The following MALRD1 variants were observed in gnomAD, a reference collection of about 807,000 sequenced individuals.
MALRD1 encodes the protein MAM and LDL-receptor class A domain-containing protein 1.
A neutral mutation model predicts 242.1 loss-of-function variants in MALRD1; 247 were observed. The observed-to-expected ratio is 1.02, with a 90% CI of 0.92 to 1.13. MALRD1 has a LOEUF of 1.13. MALRD1 is among the 50% of genes most tolerant of loss of function. MALRD1 has a pLI of 0.00. For missense variants in MALRD1, 2,989 were observed against 2,533.1 expected, an observed-to-expected ratio of 1.18 and a Z score of -3.86; for synonymous variants, 995 against 866.6, an observed-to-expected ratio of 1.15 and a Z score of -2.60.
At chr10:19,649,216 A>G (rs897059716) in intron 36 of MALRD1, among the ~76,000 whole-genome samples, 1 of 152,056 alleles carries the variant, frequency 6.6e-6, no homozygotes, top group Non-Finnish European at 1.5e-5. Flanking sequence ...ATGTGTCTTT[A>G]TGGTAGAATG....
intron 19 of MALRD1, among the ~76,000 whole-genome samples, chr10:19,268,166 C>A (rs1388451439): frequency 6.6e-6 from 1 of 151,764 alleles, no homozygotes; most frequent in Non-Finnish European, 1.5e-5. Flanking sequence ...TAGTAGAATG[C>A]CTGTAAAGAT....
chr10:19,143,285 CT>C (rs746554733), intron 10 of MALRD1, among the ~76,000 whole-genome samples: 1 of 152,344 alleles, frequency 6.6e-6, no homozygotes, highest in East Asian at 1.9e-4. Context: ...GGTTGAGCGA[CT>C]AGCTCAATTA....
chr10:19,511,481 G>T lies in MALRD1; in HGVS notation c.5320+12835G>T, dbSNP rs552153237. Among the ~76,000 whole-genome samples, 8 of 152,194 alleles carry T rather than the reference G, an allele frequency of 5.3e-5. No individual in the cohort carries two copies. The South Asian group carries it at 1.5e-3, about 28-fold the overall frequency. The stretch of plus-strand genomic sequence containing the variant: ...TGGTTAGAGCCCATCAACAATTAGG[G>T]TTATATATTTGTCTACAAAATGCCA... On this transcript the variant is annotated intron_variant, in intron 31 of 39. Transcript: ENST00000454679.
At chr10:19,309,416 C>T (rs1053602850) in intron 21 of MALRD1, among the ~76,000 whole-genome samples, 2 of 151,464 alleles carry the variant, frequency 1.3e-5, no homozygotes, top group Non-Finnish European at 3.0e-5. Context: ...ATTTATACCT[C>T]TGTAACTGAA....
chr10:19,386,015 A>C (rs1269518613), intron 26 of MALRD1, among the ~76,000 whole-genome samples: 1 of 152,116 alleles, frequency 6.6e-6, no homozygotes, highest in Admixed American at 6.6e-5. Flanking sequence ...TCATAATACA[A>C]AGTCCACCTA....
chr10:19,441,762 G>A (rs1423709219), intron 28 of MALRD1, among the ~76,000 whole-genome samples: 1 of 152,160 alleles, frequency 6.6e-6, no homozygotes, highest in Non-Finnish European at 1.5e-5. Flanking sequence ...AAGTCAGGTA[G>A]CATGATGCCT....
intron 26 of MALRD1, among the ~76,000 whole-genome samples, chr10:19,384,636 A>G (rs1413715889): frequency 1.5e-5 from 2 of 130,966 alleles, no homozygotes; most frequent in African/African-American, 5.9e-5. Flanking sequence ...CTATAATATA[A>G]TATATAGTAT....
rs140786824 is a variant in MALRD1, at chr10:19,303,343, G to A, written c.3419+20162G>A. Among the ~76,000 whole-genome samples, 28 of 151,668 alleles carry A rather than the reference G, an allele frequency of 1.8e-4. No individual in the cohort carries two copies. In the East Asian group the frequency reaches 4.3e-3, roughly 23 times the overall value. The stretch of plus-strand genomic sequence containing the variant: ...AATAGTCATTACACCAAGTACGATA[G>A]TACCAAGTTTGGGTATCTCTTATAA... On this transcript the variant is annotated intron_variant, in intron 21 of 39. Coordinates refer to ENST00000454679, the MANE Select transcript of MALRD1 (RefSeq NM_001142308.3).
At chr10:19,646,607 GAA>G (rs11356176) in intron 36 of MALRD1, among the ~76,000 whole-genome samples, 13 of 142,666 alleles carry the variant, frequency 9.1e-5, no homozygotes, top group East Asian at 6.1e-4. Flanking sequence ...TGTGTCTCAA[GAA>G]AAAAAAAAAA....
chr10:19,428,623 T>C (rs12769180), intron 28 of MALRD1, among the ~76,000 whole-genome samples: 1 of 152,102 alleles, frequency 6.6e-6, no homozygotes, highest in Admixed American at 6.6e-5. Flanking sequence ...AACCTTATGG[T>C]TTAGGTGCTA....
rs1554808926 is a variant in MALRD1, at chr10:19,592,767, G to GCGCA, written c.5681-2426_5681-2425insGCAC. ...CACACACACACACACACACACGCAC[G>GCGCA]CACACACACACACACACACACACCA... On this transcript the variant is annotated intron_variant, in intron 33 of 39. Coordinates refer to ENST00000454679, the MANE Select transcript of MALRD1 (RefSeq NM_001142308.3). Among the ~76,000 whole-genome samples, 366 of 104,572 alleles carry GCGCA rather than the reference G, an allele frequency of 3.5e-3. 10 individuals carry two copies. Among genetic ancestry groups the GCGCA allele is most frequent in the African/African-American group, 7.0e-3 (200 of 28,444 alleles). 68.6% of individuals were successfully genotyped at this position (104,572 alleles called of 152,430 possible). A position where few individuals can be genotyped will look rare whatever the true frequency, so the allele number is the denominator to read the frequency against.
intron 36 of MALRD1, among the ~76,000 whole-genome samples, chr10:19,619,356 G>T (rs1386639830): frequency 6.6e-6 from 1 of 150,462 alleles, no homozygotes; most frequent in Non-Finnish European, 1.5e-5. Context: ...ACAATATTTT[G>T]TAAGTGTTAG....
intron 29 of MALRD1, 71 bp downstream of exon 29, chr10:19,450,561 GT>G: frequency 7.7e-7 from 1 of 1,297,900 alleles, no homozygotes; most frequent in Non-Finnish European, 1.1e-6. Context: ...TGTTACACAA[GT>G]TTACAATGCT....
chr10:19,289,975 A>G (rs1554826520), intron 21 of MALRD1, among the ~76,000 whole-genome samples: 6 of 151,880 alleles, frequency 4.0e-5, no homozygotes, highest in Non-Finnish European at 8.8e-5. Context: ...AGAGAAAAAA[A>G]CCCACAATAA....
In MALRD1 at chr10:19,088,121, C is replaced by A; in HGVS notation, c.533C>A (p.Thr178Lys). 8.1e-7 allele frequency: 1 copy of A among 1,233,562 alleles called. No homozygotes were observed. The highest frequency in any genetic ancestry group is 1.0e-6 in the Non-Finnish European group (1 of 987,888). The allele number at this position is 1,233,562 out of a possible 1,614,324, so 76.4% of individuals were successfully genotyped here. A position where few individuals can be genotyped will look rare whatever the true frequency, so the allele number is the denominator to read the frequency against. Residue 178 changes from threonine to lysine, a missense_variant, in exon 4 of 40, where the codon ACA (threonine) becomes AAA (lysine). Coordinates refer to ENST00000454679, the MANE Select transcript of MALRD1 (RefSeq NM_001142308.3). ...GGPIQHLWQN[T>K]AALPNQWERN... ...CCTATTCAGCATTTATGGCAAAACA[C>A]AGCTGCACTCCCAAATCAGTGGGAG...
intron 24 of MALRD1, among the ~76,000 whole-genome samples, chr10:19,339,317 T>G (rs756260870): frequency 4.6e-5 from 7 of 152,190 alleles, no homozygotes; most frequent in Middle Eastern, 3.2e-3. Context: ...GTTTACTAGC[T>G]GCTCAGTTCT....
At position 19,486,421 on chromosome 10, in the gene MALRD1, T is replaced by G. The variant is rs1011039687; in HGVS notation, c.5030-5096T>G. ...TAGGACTTTTCTTAGATATGTTTCCTGACTCACTGTATTCCATGGGAAAGT... is the reference window on the plus strand; with the variant it reads ...TAGGACTTTTCTTAGATATGTTTCCGGACTCACTGTATTCCATGGGAAAGT... On this transcript the variant is annotated intron_variant, in intron 29 of 39. Transcript: ENST00000454679. Among the ~76,000 whole-genome samples, 6 of 152,214 alleles carry G rather than the reference T, an allele frequency of 3.9e-5. 1 individual carries two copies. The South Asian group carries it at 1.2e-3, about 31-fold the overall frequency.
rs540595034 is a variant in MALRD1 at position 19,403,316 on chromosome 10, A to C, written c.4845+13707A>C. Among the ~76,000 whole-genome samples the C allele has an allele frequency of 5.9e-5, 9 of 152,208 alleles. No individual in the cohort carries two copies. In the East Asian group the frequency reaches 1.3e-3, roughly 23 times the overall value. ...AATTAGACCATCTGGTTATGAATTT[A>C]CTTTATGAATTAGACCATATGTATT... On this transcript the variant is annotated intron_variant, in intron 28 of 39. Coordinates refer to ENST00000454679, the MANE Select transcript of MALRD1 (RefSeq NM_001142308.3).
At chr10:19,396,059 C>T (rs528425928) in intron 28 of MALRD1, among the ~76,000 whole-genome samples, 1 of 152,014 alleles carries the variant, frequency 6.6e-6, no homozygotes, top group East Asian at 1.9e-4. Context: ...TCTGTTTCTA[C>T]TCCCACTAGC....
Sources: gnomAD v4.1 joint callset for allele counts (sites outside exome capture counted in the v4.1 genomes callset) on GRCh38, gnomAD v4.1.1 for gene constraint, MANE v1.5 for transcripts, NCBI Gene and HGNC (gene_info 2026-07-23, HGNC 2026-07-21) for gene names.